The following KPNA3 variants were observed in gnomAD, a reference collection of about 807,000 sequenced individuals.
KPNA3 encodes importin subunit alpha-4.
Under a neutral mutation model 73.8 loss-of-function variants are expected in KPNA3, and 13 were observed. The observed-to-expected ratio is 0.18, with a 90% CI of 0.11 to 0.28. The LOEUF (loss-of-function observed/expected upper bound fraction) is 0.28. Among genes scored for constraint, KPNA3 ranks in the 10% least tolerant of loss-of-function variants. The pLI, the probability that KPNA3 is intolerant of heterozygous loss-of-function variation, is 1.00. For missense variants in KPNA3, 360 were observed against 618.1 expected (o/e 0.58, Z 4.43); for synonymous variants, 186 against 206.9 (o/e 0.90, Z 0.87).
chr13:49,740,081 T>C (rs1274977873), intron 2 of KPNA3, among the ~76,000 whole-genome samples: 2 of 151,956 alleles, frequency 1.3e-5, no homozygotes, highest in Non-Finnish European at 2.9e-5. Flanking sequence ...CGAAATCCCG[T>C]ATCTACCAAA....
chr13:49,788,930 T>C (rs920917966), intron 1 of KPNA3, among the ~76,000 whole-genome samples: 6 of 152,084 alleles, frequency 3.9e-5, no homozygotes, highest in Non-Finnish European at 7.4e-5. Flanking sequence ...CAGTGATCTT[T>C]ATAAAGAGAA....
In KPNA3 at chr13:49,730,767, C is replaced by A. The variant is rs1295171956; in HGVS notation, c.383+1604G>T. 5.4e-3 allele frequency among the ~76,000 whole-genome samples: 517 copies of A among 96,198 alleles called. 16 individuals carry two copies. Among genetic ancestry groups the A allele is most frequent in the African/African-American group, 0.019 (441 of 23,678 alleles). The allele number at this position is 96,198 out of a possible 152,430, so 63.1% of individuals were successfully genotyped here. On this transcript the variant is annotated intron_variant, in intron 6 of 16. Coordinates refer to ENST00000261667, the MANE Select transcript of KPNA3 (RefSeq NM_002267.4). ...TATATCTCCTAATGCTATCCCTCCCCCCTCCCCCCTATTTATTCATTTATT... is the reference window on the plus strand; with the variant it reads ...TATATCTCCTAATGCTATCCCTCCCACCTCCCCCCTATTTATTCATTTATT...
intron 12 of KPNA3, among the ~76,000 whole-genome samples, chr13:49,708,663 G>A (rs534454392): frequency 6.6e-6 from 1 of 152,248 alleles, no homozygotes; most frequent in Non-Finnish European, 1.5e-5. Context: ...ACAAAATGTG[G>A]TGTATACATA....
Position 49,709,613 on chromosome 13 carries a change from A to G in KPNA3, c.991T>C (p.Phe331Leu), listed in dbSNP as rs764518335. The change falls in exon 12 of 17, where the codon TTC becomes CTC. Residue 331 changes from phenylalanine to leucine, a missense_variant. By Grantham distance (22) the Phe-to-Leu change is conservative (BLOSUM62 0). This residue lies in a region of KPNA3 where 287 missense variants were observed against 549.1 expected (regional missense o/e 0.52). Coordinates refer to ENST00000261667, the MANE Select transcript of KPNA3 (RefSeq NM_002267.4). Reference sequence around the variant, plus strand: ...TTTGGGTGTGATAAGAGATTTGGGAAGTGTGACAGGACATCACAATTGAGA... The same window carrying G: ...TTTGGGTGTGATAAGAGATTTGGGAGGTGTGACAGGACATCACAATTGAGA... ...VVLNCDVLSH[F>L]PNLLSHPKEK... 6.2e-7 allele frequency: 1 copy of G among 1,613,722 alleles called. No individual in the cohort carries two copies. Among genetic ancestry groups the G allele is most frequent in the Non-Finnish European group, 8.5e-7 (1 of 1,179,696 alleles).
At chr13:49,760,414 C>CAA (rs1365099527) in intron 1 of KPNA3, among the ~76,000 whole-genome samples, 54 of 60,026 alleles carry the variant, frequency 9.0e-4, no homozygotes, top group South Asian at 7.6e-3. Context: ...GATCCCATCT[C>CAA]AAAAAAAAAA....
At chr13:49,709,366 A>C (rs538405807) in intron 12 of KPNA3, among the ~76,000 whole-genome samples, 1 of 147,004 alleles carries the variant, frequency 6.8e-6, no homozygotes, top group East Asian at 2.0e-4. Context: ...GTGCCACTGC[A>C]CTCCAGCCTA....
chr13:49,768,297 A>G (rs2137590756), intron 1 of KPNA3, among the ~76,000 whole-genome samples: 3 of 149,098 alleles, frequency 2.0e-5, no homozygotes, highest in South Asian at 4.2e-4. Context: ...AAAAAAAAAA[A>G]GCTGCTACAT....
At chr13:49,741,469 T>C (rs913215432) in intron 2 of KPNA3, among the ~76,000 whole-genome samples, 40 of 152,022 alleles carry the variant, frequency 2.6e-4, no homozygotes, top group African/African-American at 7.2e-4. Flanking sequence ...TTTTTTTTTT[T>C]TTGAGATGGA....
chr13:49,778,507 G>T (rs1385827038), intron 1 of KPNA3, among the ~76,000 whole-genome samples: 1 of 152,158 alleles, frequency 6.6e-6, no homozygotes, highest in Non-Finnish European at 1.5e-5. Flanking sequence ...TTTGACTAAG[G>T]ACTTTCTTTT....
chr13:49,753,049 A>AG (rs1189840388), intron 1 of KPNA3, among the ~76,000 whole-genome samples: 5 of 140,428 alleles, frequency 3.6e-5, no homozygotes, highest in African/African-American at 1.3e-4. Flanking sequence ...AAAAAAAAAA[A>AG]AAAAGAAAAT....
intron 2 of KPNA3, among the ~76,000 whole-genome samples, chr13:49,738,723 C>T (rs1485029606): frequency 6.6e-6 from 1 of 152,204 alleles, no homozygotes; most frequent in Non-Finnish European, 1.5e-5. Flanking sequence ...GTTCCAGGAG[C>T]TTTCTGATAG....
chr13:49,705,667 G>T lies in KPNA3; in HGVS notation c.1326C>A (p.Ala442=). ...CAGCTATTGTGCTTGCTTCATCACCGGCCATTATCAGAATGTTTTTTAGAC... is the reference window on the plus strand; with the variant it reads ...CAGCTATTGTGCTTGCTTCATCACCTGCCATTATCAGAATGTTTTTTAGAC... The part of the protein sequence containing the change: ...LDGLKNILIM[A]GDEASTIAEI... The change falls in exon 15 of 17, where the codon GCC becomes GCA. Residue 442 remains alanine (A), a synonymous_variant. Transcript: ENST00000261667. 11 of 1,613,834 alleles carry T rather than the reference G, an allele frequency of 6.8e-6. No individual in the cohort carries two copies. The highest frequency in any genetic ancestry group is 9.3e-6 in the Non-Finnish European group (11 of 1,179,950).
At chr13:49,755,262 T>TA (rs1284298619) in intron 1 of KPNA3, among the ~76,000 whole-genome samples, 1 of 152,154 alleles carries the variant, frequency 6.6e-6, no homozygotes, top group African/African-American at 2.4e-5. Context: ...TCAATGATTA[T>TA]ATTATTCAAT....
At chr13:49,717,284 A>G (rs1379759243) in intron 10 of KPNA3, among the ~76,000 whole-genome samples, 2 of 152,104 alleles carry the variant, frequency 1.3e-5, no homozygotes, top group East Asian at 3.8e-4. Flanking sequence ...ATAAAAAATT[A>G]GCAGGGAGTG....
intron 10 of KPNA3, among the ~76,000 whole-genome samples, chr13:49,714,285 A>T (rs1243566460): frequency 1.3e-5 from 2 of 152,166 alleles, no homozygotes; most frequent in Non-Finnish European, 2.9e-5. Context: ...TTCTCTGAAA[A>T]AAACAAAAAA....
intron 1 of KPNA3, among the ~76,000 whole-genome samples, chr13:49,761,566 A>G (rs1253898357): frequency 6.6e-6 from 1 of 152,240 alleles, no homozygotes; most frequent in South Asian, 2.1e-4. Context: ...GCTGGAGTGC[A>G]GTGGCATGAT....
At chr13:49,785,878 A>G (rs1430170365) in intron 1 of KPNA3, among the ~76,000 whole-genome samples, 1 of 152,252 alleles carries the variant, frequency 6.6e-6, no homozygotes, top group Non-Finnish European at 1.5e-5. Context: ...TAGACACTGC[A>G]TATGGTTAAA....
intron 1 of KPNA3, among the ~76,000 whole-genome samples, chr13:49,761,953 C>T (rs1954766833): frequency 6.6e-6 from 1 of 151,852 alleles, no homozygotes; most frequent in African/African-American, 2.4e-5. Flanking sequence ...TGAGGAGCCC[C>T]TCCACCCGGC....
At chr13:49,703,387 G>C (rs934845070) in intron 15 of KPNA3, among the ~76,000 whole-genome samples, 6 of 145,166 alleles carry the variant, frequency 4.1e-5, no homozygotes, top group Non-Finnish European at 7.6e-5. Flanking sequence ...TCACCATGTT[G>C]GCCAGGCTGG....
Sources: gnomAD v4.1 joint callset for allele counts (sites outside exome capture counted in the v4.1 genomes callset) on GRCh38, gnomAD v4.1.1 for gene constraint, gnomAD v4.1.1 regional missense constraint, MANE v1.5 for transcripts, NCBI Gene and HGNC (gene_info 2026-07-23, HGNC 2026-07-21) for gene names.